CEP85L: variants seen among roughly 807,000 people sequenced by gnomAD.
CEP85L encodes the protein centrosomal protein of 85 kDa-like.
CEP85L carries 60 observed loss-of-function variants against 100.3 expected under a neutral mutation model. The ratio of observed to expected loss-of-function variants is 0.60; its 90% CI spans 0.49 to 0.74. The LOEUF (loss-of-function observed/expected upper bound fraction) is 0.74. Among genes scored for constraint, CEP85L ranks in the 30% least tolerant of loss-of-function variants. CEP85L has a pLI of 0.00. For synonymous variants in CEP85L, 319 were observed against 322.7 expected (o/e 0.99, Z 0.12); for missense variants, 973 against 936.2 (o/e 1.04, Z -0.51).
At chr6:118,525,940 G>A (rs1160776171) in intron 3 of CEP85L, among the ~76,000 whole-genome samples, 1 of 152,166 alleles carries the variant, frequency 6.6e-6, no homozygotes, top group Non-Finnish European at 1.5e-5. Context: ...AAATAAACCA[G>A]TAATTGCATA....
intron 2 of CEP85L, among the ~76,000 whole-genome samples, chr6:118,572,275 A>T (rs1425842617): frequency 3.9e-5 from 4 of 101,346 alleles, no homozygotes; most frequent in African/African-American, 6.8e-5. Flanking sequence ...CATTCTTTAA[A>T]AAAAAAAAAA....
At chr6:118,542,921 A>AAAAAAAAAAAAAAAAAAAAC (rs1562245160) in intron 3 of CEP85L, among the ~76,000 whole-genome samples, 1 of 150,934 alleles carries the variant, frequency 6.6e-6, no homozygotes. Flanking sequence ...AAAAAAAAAA[A>AAAAAAAAAAAAAAAAAAAAC]AACAGGATAT....
chr6:118,684,734 G>C (rs1776777989), intron 1 of CEP85L, among the ~76,000 whole-genome samples: 1 of 152,190 alleles, frequency 6.6e-6, no homozygotes, highest in African/African-American at 2.4e-5. Context: ...AGATGTAATA[G>C]TAACCCATGA....
At chr6:118,665,946 G>A (rs958698655) in intron 1 of CEP85L, among the ~76,000 whole-genome samples, 1 of 152,066 alleles carries the variant, frequency 6.6e-6, no homozygotes, top group African/African-American at 2.4e-5. Flanking sequence ...TAGCCTTGCC[G>A]AATACTTGGC....
Position 118,566,031 on chromosome 6 carries a change from G to A in CEP85L, c.518C>T (p.Thr173Ile), listed in dbSNP as rs750777050. ...ATTCCTTGACTCTTCTCTGCATACAGTGCCACCCTGGCCACAGTTATCCGG... is the reference window on the plus strand; with the variant it reads ...ATTCCTTGACTCTTCTCTGCATACAATGCCACCCTGGCCACAGTTATCCGG... The part of the protein sequence containing the change: ...TAPDNCGQGG[T>I]VCREESRNGL... The change falls in exon 3 of 13, where the codon ACT becomes ATT. Residue 173 changes from threonine to isoleucine, a missense_variant. By Grantham distance (89) the Thr-to-Ile change is moderately conservative. Around this residue, in one of 3 missense-constraint regions of CEP85L, gnomAD observed 890 missense variants for 844.5 expected, o/e 1.05. Coordinates refer to ENST00000368491, the MANE Select transcript of CEP85L (RefSeq NM_001042475.3). 6.2e-6 allele frequency: 10 copies of A among 1,614,002 alleles called. No homozygotes were observed. The highest frequency in any genetic ancestry group is 1.7e-5 in the Admixed American group (1 of 59,990).
At chr6:118,552,432 A>T (rs1447369434) in intron 3 of CEP85L, among the ~76,000 whole-genome samples, 3 of 152,030 alleles carry the variant, frequency 2.0e-5, no homozygotes, top group Non-Finnish European at 4.4e-5. Context: ...TTTTCAGAAG[A>T]CTATTGAGGT....
At chr6:118,561,488 A>T (rs943764097) in intron 3 of CEP85L, among the ~76,000 whole-genome samples, 6 of 152,144 alleles carry the variant, frequency 3.9e-5, no homozygotes, top group African/African-American at 1.4e-4. Flanking sequence ...ATTCTTCATC[A>T]TAAAGTGTAA....
chr6:118,545,291 C>A (rs910105482), intron 3 of CEP85L, among the ~76,000 whole-genome samples: 16 of 152,240 alleles, frequency 1.1e-4, no homozygotes, highest in Middle Eastern at 6.8e-3. Context: ...GTGCCCTTCA[C>A]AAAACGTTAG....
chr6:118,554,987 C>T (rs527884421), intron 3 of CEP85L, among the ~76,000 whole-genome samples: 4 of 152,190 alleles, frequency 2.6e-5, no homozygotes, highest in Non-Finnish European at 2.9e-5. Context: ...CCCTCCTTTC[C>T]CATGTTTTGT....
chr6:118,519,452 GTGTGTGT>G, intron 4 of CEP85L, among the ~76,000 whole-genome samples: 1 of 65,734 alleles, frequency 1.5e-5, no homozygotes, highest in African/African-American at 6.0e-5. Context: ...GTGTGTGTGT[GTGTGTGT>G]GTGTGTGTGT....
At chr6:118,506,866 A>G (rs1775689220) in intron 5 of CEP85L, among the ~76,000 whole-genome samples, 1 of 152,132 alleles carries the variant, frequency 6.6e-6, no homozygotes, top group Admixed American at 6.6e-5. Flanking sequence ...CTTTCTATGG[A>G]AAAACACTTG....
chr6:118,557,807 CAG>C (rs1778965932), intron 3 of CEP85L, among the ~76,000 whole-genome samples: 1 of 152,194 alleles, frequency 6.6e-6, no homozygotes, highest in African/African-American at 2.4e-5. Flanking sequence ...CAAAAGCACT[CAG>C]AGATCCCACC....
intron 3 of CEP85L, among the ~76,000 whole-genome samples, chr6:118,545,383 T>C (rs1017872218): frequency 6.6e-6 from 1 of 151,646 alleles, no homozygotes; most frequent in Non-Finnish European, 1.5e-5. Flanking sequence ...AGGTCAGGAG[T>C]TTGAGACCAG....
At chr6:118,570,295 T>C (rs1478118993) in intron 2 of CEP85L, among the ~76,000 whole-genome samples, 1 of 152,220 alleles carries the variant, frequency 6.6e-6, no homozygotes, top group Non-Finnish European at 1.5e-5. Flanking sequence ...TTTGTTGTTC[T>C]GTGACCTCAA....
rs1464589919 is a variant in CEP85L at position 118,475,076 on chromosome 6, A to G, written c.1915-4432T>C. ...TTGGCTACAATTAGTGGAGCCTAAC[A>G]GCTGGATATGGTCAAGAGTCACAGA... On this transcript the variant is annotated intron_variant, in intron 10 of 12. Coordinates refer to ENST00000368491, the MANE Select transcript of CEP85L (RefSeq NM_001042475.3). 2.6e-5 allele frequency among the ~76,000 whole-genome samples: 4 copies of G among 152,372 alleles called. No individual in the cohort carries two copies. In the East Asian group the frequency reaches 7.7e-4, roughly 29 times the overall value.
intron 3 of CEP85L, among the ~76,000 whole-genome samples, chr6:118,536,596 A>G (rs981703801): frequency 1.3e-5 from 2 of 152,218 alleles, no homozygotes; most frequent in African/African-American, 4.8e-5. Context: ...TGCACTATAG[A>G]TGACAGAATG....
chr6:118,549,169 T>A (rs1778385761), intron 3 of CEP85L, among the ~76,000 whole-genome samples: 1 of 152,000 alleles, frequency 6.6e-6, no homozygotes, highest in Non-Finnish European at 1.5e-5. Flanking sequence ...CGAATATTCT[T>A]AACTATCTTA....
At chr6:118,603,881 A>G (rs1478246035) in intron 2 of CEP85L, among the ~76,000 whole-genome samples, 28 of 152,270 alleles carry the variant, frequency 1.8e-4, no homozygotes, top group Admixed American at 1.8e-3. Context: ...GTCTGTGGAT[A>G]GTAAAAAGTT....
intron 2 of CEP85L, among the ~76,000 whole-genome samples, chr6:118,614,561 TG>T (rs780238872): frequency 3.7e-4 from 57 of 152,182 alleles, no homozygotes; most frequent in Admixed American, 1.8e-3. Flanking sequence ...AAAGCAAATG[TG>T]GCCGGGCGCA....
Sources: allele counts gnomAD v4.1 joint callset (sites outside exome capture counted in the v4.1 genomes callset), GRCh38; gene constraint gnomAD v4.1.1; regional missense constraint gnomAD v4.1.1; transcripts MANE v1.5; gene names NCBI Gene and HGNC (gene_info 2026-07-23, HGNC 2026-07-21).